Variants in DCLRE1C observed in about 807,000 individuals in gnomAD.
DCLRE1C encodes the protein DNA cross-link repair 1C.
Under a neutral mutation model 61.4 loss-of-function variants are expected in DCLRE1C, and 47 were observed. The ratio of observed to expected loss-of-function variants is 0.77; its 90% CI spans 0.61 to 0.98. The LOEUF is 0.98. DCLRE1C is among the 50% of genes least tolerant of loss of function. DCLRE1C has a pLI of 0.00. For synonymous variants in DCLRE1C, 337 were observed against 287.6 expected (o/e 1.17, Z -1.74); for missense variants, 858 against 816.0 (o/e 1.05, Z -0.63).
downstream of DCLRE1C, chr10:14,903,769 A>C (rs575858982): frequency 6.6e-6 from 1 of 152,336 alleles, no homozygotes; most frequent in African/African-American, 2.4e-5. Context: ...AAATGCAGCA[A>C]ATCTAGCTTT....
intron 6 of DCLRE1C, 123 bp downstream of exon 6, chr10:14,935,340 C>A: frequency 9.4e-7 from 1 of 1,064,902 alleles, no homozygotes; most frequent in South Asian, 1.3e-5. Context: ...GTGGCACGTA[C>A]CTGTTATCCC....
At chr10:14,919,645 T>C in intron 13 of DCLRE1C, 93 bp downstream of exon 13, 1 of 972,814 alleles carries the variant, frequency 1.0e-6, no homozygotes, top group Non-Finnish European at 1.7e-6. Flanking sequence ...CCAGGTCCAC[T>C]CTGCCCAAGG....
chr10:14,909,234 A>T lies in DCLRE1C; in HGVS notation c.1253T>A (p.Met418Lys). Residue 418 changes from methionine to lysine, a missense_variant, in exon 14 of 14, where the codon ATG becomes AAG. By Grantham distance (95) the Met-to-Lys change is moderately conservative. Transcript: ENST00000378278. ...AGGCTGCTTTTCTGATACTGCAGTC[A>T]TTGAAAATACCTCAGGGTGAAAAGT... ...PETFHPEVFS[M>K]TAVSEKQPEK... 6.2e-7 allele frequency: 1 copy of T among 1,613,934 alleles called. No individual in the cohort carries two copies. Among genetic ancestry groups the T allele is most frequent in the Admixed American group, 1.7e-5 (1 of 59,984 alleles).
chr10:14,904,161 C>A (rs1301690031), downstream of DCLRE1C: 1 of 151,900 alleles, frequency 6.6e-6, no homozygotes, highest in Admixed American at 6.6e-5. Context: ...AAAAATTAGC[C>A]GGGCGTGGTG....
rs777940847 is a variant in DCLRE1C at position 14,904,982 on chromosome 10, C to G, written c.*3426G>C. Among the ~76,000 whole-genome samples, 1 of 152,118 alleles carries G rather than the reference C, an allele frequency of 6.6e-6. No individual in the cohort carries two copies. The highest frequency in any genetic ancestry group is 1.5e-5 in the Non-Finnish European group (1 of 68,012). On this transcript the variant is annotated 3_prime_UTR_variant, in exon 14 of 14. Transcript: ENST00000378278. ...TCTAAAATGTAGACAATAGTTGTTT[C>G]TCTTTTAGTTCATCAGTTTCTCTTA...
downstream of DCLRE1C, chr10:14,899,624 C>G (rs752873117): frequency 3.7e-6 from 6 of 1,614,106 alleles, no homozygotes; most frequent in Non-Finnish European, 5.1e-6. Flanking sequence ...GACTATGAGT[C>G]TGATGAATTC....
intron 5 of DCLRE1C, among the ~76,000 whole-genome samples, chr10:14,935,812 C>A (rs61845570): frequency 6.6e-6 from 1 of 152,172 alleles, no homozygotes; most frequent in South Asian, 2.1e-4. Context: ...TTAGCACTTT[C>A]AATTATATGT....
rs763716175 is a variant in DCLRE1C, at chr10:14,922,961, C to G, written c.1061+20G>C. On this transcript the variant is annotated intron_variant, in intron 12 of 13. Transcript: ENST00000378278. ...AGCCACCAAGGGGGACACCAAGTCC[C>G]ACAACCAGTGACTACTCACATTTCG... The G allele has an allele frequency of 6.3e-7, 1 of 1,596,046 alleles. No individual in the cohort carries two copies. Among genetic ancestry groups the G allele is most frequent in the Non-Finnish European group, 8.6e-7 (1 of 1,163,554 alleles).
chr10:14,926,792 G>T, intron 11 of DCLRE1C, 51 bp downstream of exon 11: 2 of 1,447,366 alleles, frequency 1.4e-6, no homozygotes, highest in Non-Finnish European at 1.9e-6. Context: ...CAACTACCAA[G>T]GCTGCAGAAC....
At chr10:14,940,296 T>C (rs1260674241) in intron 3 of DCLRE1C, among the ~76,000 whole-genome samples, 1 of 151,126 alleles carries the variant, frequency 6.6e-6, no homozygotes, top group African/African-American at 2.4e-5. Flanking sequence ...TTTTATTTTT[T>C]TTTTTTTTCT....
intron 11 of DCLRE1C, 172 bp from the exon 12 acceptor site, chr10:14,923,241 C>T (rs1190608771): frequency 9.8e-6 from 6 of 613,938 alleles, no homozygotes; most frequent in Admixed American, 4.7e-5. Context: ...TATCCAATGC[C>T]TGGGCCTCAC....
Position 14,907,610 on chromosome 10 carries a change from T to G in DCLRE1C, c.*798A>C, listed in dbSNP as rs913636052. ...TAGGTGCATATACGTTTAGGATTAT[T>G]TTGTCTTCTTGGTGAACTAGACCTT... On this transcript the variant is annotated 3_prime_UTR_variant, in exon 14 of 14. Coordinates refer to ENST00000378278, the MANE Select transcript of DCLRE1C (RefSeq NM_001033855.3). Among the ~76,000 whole-genome samples, 4 of 152,130 alleles carry G rather than the reference T, an allele frequency of 2.6e-5. No homozygotes were observed. Among genetic ancestry groups the G allele is most frequent in the African/African-American group, 9.7e-5 (4 of 41,440 alleles).
intron 4 of DCLRE1C, among the ~76,000 whole-genome samples, chr10:14,938,264 G>A (rs1221367428): frequency 6.6e-6 from 1 of 152,208 alleles, no homozygotes; most frequent in African/African-American, 2.4e-5. Context: ...ATCCCTGATT[G>A]TGACAAGGCC....
rs1355474214 is a variant in DCLRE1C, at chr10:14,954,023, C to A, written c.-13G>T. 6.2e-7 allele frequency: 1 copy of A among 1,613,770 alleles called. No homozygotes were observed. The highest frequency in any genetic ancestry group is 8.5e-7 in the Non-Finnish European group (1 of 1,179,902). ...CGAAAGAACTCATAGCGCCGCCGAT[C>A]CCAGAGTCCGGGACCCCAAAACCGC... On this transcript the variant is annotated 5_prime_UTR_variant, in exon 1 of 14. Transcript: ENST00000378278.
intron 9 of DCLRE1C, among the ~76,000 whole-genome samples, chr10:14,929,070 G>A (rs930003316): frequency 6.6e-6 from 1 of 152,164 alleles, no homozygotes; most frequent in South Asian, 2.1e-4. Flanking sequence ...GAGAGCCACT[G>A]GGCCCAGACC....
intron 2 of DCLRE1C, 45 bp downstream of exon 2, chr10:14,948,991 C>T (rs1388027152): frequency 5.1e-6 from 7 of 1,365,084 alleles, no homozygotes; most frequent in Middle Eastern, 1.8e-4. Context: ...TGTTATCTCT[C>T]AATTAAAATG....
At chr10:14,916,434 C>G (rs1836203568) in intron 13 of DCLRE1C, among the ~76,000 whole-genome samples, 1 of 152,120 alleles carries the variant, frequency 6.6e-6, no homozygotes, top group Non-Finnish European at 1.5e-5. Flanking sequence ...ATTGCATATC[C>G]CTAATCCAAA....
intron 2 of DCLRE1C, chr10:14,945,631 CT>C: frequency 1.6e-6 from 1 of 613,910 alleles, no homozygotes; most frequent in Non-Finnish European, 2.0e-6. Context: ...GAAACTTCTG[CT>C]TTTTACTGTA....
chr10:14,921,179 G>C (rs1588973046), intron 12 of DCLRE1C, among the ~76,000 whole-genome samples: 1 of 151,866 alleles, frequency 6.6e-6, no homozygotes, highest in African/African-American at 2.4e-5. Context: ...AATTAGCCGG[G>C]CGTGGTCGCG....
Sources: gnomAD v4.1 joint callset for allele counts (sites outside exome capture counted in the v4.1 genomes callset) on GRCh38, gnomAD v4.1.1 for gene constraint, MANE v1.5 for transcripts, NCBI Gene and HGNC (gene_info 2026-07-23, HGNC 2026-07-21) for gene names.